FAT4: variants seen among roughly 807,000 people sequenced by gnomAD.
FAT4 encodes the protein protocadherin Fat 4.
Under a neutral mutation model 303.9 loss-of-function variants are expected in FAT4, and 84 were observed. The observed-to-expected ratio is 0.28, with a 90% CI of 0.23 to 0.33. The LOEUF is 0.33. Among genes scored for constraint, FAT4 ranks in the 10% least tolerant of loss-of-function variants. The pLI, the probability that FAT4 is intolerant of heterozygous loss-of-function variation, is 1.00. For missense variants in FAT4, 6,005 were observed against 6,146.8 expected (o/e 0.98, Z 0.77); for synonymous variants, 2,307 against 2,298.8 (o/e 1.00, Z -0.10).
chr4:125,441,344 A>C (rs1278452515), intron 8 of FAT4, among the ~76,000 whole-genome samples: 2 of 152,216 alleles, frequency 1.3e-5, no homozygotes, highest in South Asian at 4.1e-4. Flanking sequence ...GGAATGAAAG[A>C]TATTCTAGGC....
intron 2 of FAT4, among the ~76,000 whole-genome samples, chr4:125,356,402 G>T (rs1415865574): frequency 6.6e-6 from 1 of 151,908 alleles, no homozygotes; most frequent in African/African-American, 2.4e-5. Context: ...GAACTAATAT[G>T]TAACAGATTG....
intron 2 of FAT4, among the ~76,000 whole-genome samples, chr4:125,334,276 G>T (rs752014456): frequency 5.9e-5 from 9 of 152,016 alleles, no homozygotes; most frequent in African/African-American, 1.2e-4. Context: ...TGCAAATGCG[G>T]CTTCAAGATG....
At chr4:125,340,447 G>C (rs1258371987) in intron 2 of FAT4, among the ~76,000 whole-genome samples, 1 of 151,592 alleles carries the variant, frequency 6.6e-6, no homozygotes, top group Non-Finnish European at 1.5e-5. Flanking sequence ...GCAGTGGCGT[G>C]ATCTCGGCTA....
At chr4:125,347,897 T>C (rs1023017966) in intron 2 of FAT4, among the ~76,000 whole-genome samples, 1 of 151,808 alleles carries the variant, frequency 6.6e-6, no homozygotes, top group African/African-American at 2.4e-5. Context: ...TTATCAGTTG[T>C]TAAGAGTTAG....
At position 125,491,935 on chromosome 4, in the gene FAT4, A is replaced by G. The variant is rs369214819; in HGVS notation, c.*167A>G. On this transcript the variant is annotated 3_prime_UTR_variant, in exon 18 of 18. Transcript: ENST00000394329. ...ACAATGCTGCTGAAACAGACTCACAACAACTCTTAATTTAAACATGTGTGG... is the reference window on the plus strand; with the variant it reads ...ACAATGCTGCTGAAACAGACTCACAGCAACTCTTAATTTAAACATGTGTGG... 4.1e-5 allele frequency: 26 copies of G among 640,898 alleles called. 1 individual carries two copies. The highest frequency in any genetic ancestry group is 3.4e-4 in the East Asian group (12 of 35,350). 39.7% of individuals were successfully genotyped at this position (640,898 alleles called of 1,614,324 possible).
chr4:125,344,969 A>T (rs900938847), intron 2 of FAT4, among the ~76,000 whole-genome samples: 1 of 152,000 alleles, frequency 6.6e-6, no homozygotes, highest in Non-Finnish European at 1.5e-5. Context: ...TGAATGGATG[A>T]GTTTTGCTTT....
Position 125,396,153 on chromosome 4 carries a change from T to C in FAT4, c.5176-2631T>C, listed in dbSNP as rs542227175. On this transcript the variant is annotated intron_variant, in intron 2 of 17. Transcript: ENST00000394329. The stretch of plus-strand genomic sequence containing the variant: ...GTGTAAGTTTTCTTTACTGACTGAT[T>C]AGCTCTGTGGCACTAGGTCGTTCCT... 1.2e-4 allele frequency among the ~76,000 whole-genome samples: 19 copies of C among 152,210 alleles called. No homozygotes were observed. The South Asian group carries it at 3.5e-3, about 28-fold the overall frequency.
intron 12 of FAT4, 123 bp downstream of exon 12, chr4:125,468,942 C>G (rs966628798): frequency 9.3e-7 from 1 of 1,079,128 alleles, no homozygotes; most frequent in South Asian, 1.7e-5. Context: ...TTATGAAAAA[C>G]TTAGACATAA....
intron 2 of FAT4, among the ~76,000 whole-genome samples, chr4:125,396,066 G>T (rs1209678719): frequency 6.6e-6 from 1 of 152,098 alleles, no homozygotes; most frequent in African/African-American, 2.4e-5. Context: ...TATTTGTATA[G>T]CTGTAGCATA....
chr4:125,466,705 T>C (rs534883768), intron 11 of FAT4, among the ~76,000 whole-genome samples: 8 of 150,778 alleles, frequency 5.3e-5, no homozygotes, highest in Non-Finnish European at 1.2e-4. Flanking sequence ...TCAATAAATA[T>C]CATTTCTATA....
chr4:125,378,523 A>G (rs1344386954), intron 2 of FAT4, among the ~76,000 whole-genome samples: 1 of 152,118 alleles, frequency 6.6e-6, no homozygotes, highest in Admixed American at 6.5e-5. Flanking sequence ...TTCTTATCAC[A>G]GATAATCATA....
intron 2 of FAT4, among the ~76,000 whole-genome samples, chr4:125,360,986 T>TTATTTATTATTTATAAATATTTATTAAA (rs1480837699): frequency 3.4e-5 from 5 of 147,668 alleles, no homozygotes; most frequent in African/African-American, 4.9e-5. Context: ...TTTATTTTAT[T>TTATTTATTATTTATAAATATTTATTAAA]TATTTATTAT....
chr4:125,436,425 G>A (rs1272831982), intron 8 of FAT4, among the ~76,000 whole-genome samples: 1 of 152,170 alleles, frequency 6.6e-6, no homozygotes, highest in Non-Finnish European at 1.5e-5. Context: ...CTGGAGATAT[G>A]AGTGTGGAGC....
At position 125,461,683 on chromosome 4, in the gene FAT4, A is replaced by C. The variant is rs79228750; in HGVS notation, c.11801-1880A>C. On this transcript the variant is annotated intron_variant, in intron 10 of 17. Coordinates refer to ENST00000394329, the MANE Select transcript of FAT4 (RefSeq NM_001291303.3). ...TGTACCTAGTCAAAAAGCACAAGTG[A>C]AAATTATGTGTGCTTTTACAGTGAA... Among the ~76,000 whole-genome samples the C allele has an allele frequency of 7.5e-3, 1,148 of 152,136 alleles. 48 individuals carry two copies. In the East Asian group the frequency reaches 0.083, roughly 11 times the overall value.
intron 8 of FAT4, among the ~76,000 whole-genome samples, chr4:125,435,258 C>T (rs1506357): frequency 0.99 from 150,799 of 152,312 alleles, 74,666 homozygotes; most frequent in East Asian, 1. Flanking sequence ...TCCCCTTCTT[C>T]CATATCTATT....
chr4:125,491,006 T>C lies in FAT4; in HGVS notation c.14190T>C (p.Gly4730=), dbSNP rs780418886. 4 of 1,614,176 alleles carry C rather than the reference T, an allele frequency of 2.5e-6. No homozygotes were observed. In the East Asian group the frequency reaches 8.9e-5, roughly 36 times the overall value. ...ARELHLPIRD[G]NTLEMHGDTC... ...AATTGCATCTTCCTATAAGGGATGG[T>C]AATACTTTGGAAATGCATGGTGACA... Residue 4730 remains glycine, a synonymous_variant, in exon 18 of 18, where the codon GGT becomes GGC. Coordinates refer to ENST00000394329, the MANE Select transcript of FAT4 (RefSeq NM_001291303.3).
At position 125,452,348 on chromosome 4, in the gene FAT4, G is replaced by A; in HGVS notation, c.11338G>A (p.Gly3780Ser). The A allele has an allele frequency of 6.2e-7, 1 of 1,614,194 alleles. No homozygotes were observed. ...TCATAATCAGTATGTGAATCCCAGT[G>A]GCGTAGCCACCTTCTTTGAAAGCAT... ...RNHNQYVNPS[G>S]VATFFESIKE... Residue 3780 changes from glycine (G) to serine (S), a missense_variant, in exon 10 of 18, where the codon GGC becomes AGC. Coordinates refer to ENST00000394329, the MANE Select transcript of FAT4 (RefSeq NM_001291303.3).
intron 3 of FAT4, among the ~76,000 whole-genome samples, chr4:125,406,643 C>G (rs1052657294): frequency 2.6e-5 from 4 of 152,026 alleles, no homozygotes; most frequent in Non-Finnish European, 5.9e-5. Context: ...GATGTCTTTC[C>G]ATTTGTTTGT....
intron 14 of FAT4, 67 bp from the exon 15 acceptor site, chr4:125,479,674 A>C: frequency 7.9e-6 from 11 of 1,400,076 alleles, no homozygotes; most frequent in Non-Finnish European, 1.0e-5. Flanking sequence ...AAAAGTGTAT[A>C]TTGAGTTTTA....
Sources: gnomAD v4.1 joint callset for allele counts (sites outside exome capture counted in the v4.1 genomes callset) on GRCh38, gnomAD v4.1.1 for gene constraint, MANE v1.5 for transcripts, NCBI Gene and HGNC (gene_info 2026-07-23, HGNC 2026-07-21) for gene names.